The following STAT3 variants were observed in gnomAD, a reference collection of about 807,000 sequenced individuals.
STAT3 encodes the protein DNA-binding protein APRF.
In STAT3, 7 loss-of-function variants were observed where a neutral mutation model predicts 114.3. That is an observed-to-expected ratio of 0.06 (90% confidence interval 0.03 to 0.11). The LOEUF (loss-of-function observed/expected upper bound fraction) is 0.11. Among genes scored for constraint, STAT3 ranks in the 10% least tolerant of loss-of-function variants. The pLI is 1.00. For synonymous variants in STAT3, 331 were observed against 354.5 expected (o/e 0.93, Z 0.74); for missense variants, 364 against 960.9 (o/e 0.38, Z 8.21).
intron 1 of STAT3, among the ~76,000 whole-genome samples, chr17:42,364,352 A>G (rs2083668594): frequency 6.6e-6 from 1 of 152,188 alleles, no homozygotes; most frequent in African/African-American, 2.4e-5. Flanking sequence ...AACTTTTCAA[A>G]AGAAAAACAG....
intron 1 of STAT3, among the ~76,000 whole-genome samples, chr17:42,386,490 A>G (rs538361043): frequency 6.6e-6 from 1 of 152,122 alleles, no homozygotes; most frequent in East Asian, 1.9e-4. Context: ...TGCTGTGGGT[A>G]TTTCTTTTTC....
intron 1 of STAT3, among the ~76,000 whole-genome samples, chr17:42,354,170 TTC>T (rs2083108592): frequency 2.7e-5 from 4 of 146,644 alleles, no homozygotes; most frequent in East Asian, 2.0e-4. Flanking sequence ...AATAATTGTG[TTC>T]TTTTTTTTTT....
At chr17:42,386,051 G>A (rs1016268497) in intron 1 of STAT3, among the ~76,000 whole-genome samples, 1 of 152,144 alleles carries the variant, frequency 6.6e-6, no homozygotes, top group Non-Finnish European at 1.5e-5. Flanking sequence ...GGAGATAGAG[G>A]TGGGCAAATC....
chr17:42,365,254 G>T (rs918146817), intron 1 of STAT3, among the ~76,000 whole-genome samples: 1 of 152,178 alleles, frequency 6.6e-6, no homozygotes, highest in African/African-American at 2.4e-5. Context: ...AAGGCAAAAG[G>T]GGAGGCCACA....
intron 4 of STAT3, among the ~76,000 whole-genome samples, chr17:42,342,728 G>C (rs909681026): frequency 6.6e-6 from 1 of 152,068 alleles, no homozygotes; most frequent in African/African-American, 2.4e-5. Flanking sequence ...GCAGGGCTGC[G>C]GGTTCAAACC....
chr17:42,384,390 A>G (rs2084978491), intron 1 of STAT3, among the ~76,000 whole-genome samples: 1 of 152,082 alleles, frequency 6.6e-6, no homozygotes, highest in Non-Finnish European at 1.5e-5. Context: ...TGGGCCTCCC[A>G]AAGTGCTGGG....
intron 11 of STAT3, among the ~76,000 whole-genome samples, chr17:42,330,113 T>C (rs891396689): frequency 6.7e-6 from 1 of 149,126 alleles, no homozygotes; most frequent in Non-Finnish European, 1.5e-5. Context: ...ATTTTATCTT[T>C]TCTTTTTTCT....
chr17:42,368,280 AATGAGAC>A (rs1313570204), intron 1 of STAT3, among the ~76,000 whole-genome samples: 1 of 152,254 alleles, frequency 6.6e-6, no homozygotes, highest in Non-Finnish European at 1.5e-5. Flanking sequence ...AAACTGCAAT[AATGAGAC>A]TTTAGCACTC....
rs1567718244 is a variant in STAT3, at chr17:42,333,749, G to A, written c.973C>T (p.Arg325Trp). 1.9e-6 allele frequency: 3 copies of A among 1,614,192 alleles called. No homozygotes were observed. The highest frequency in any genetic ancestry group is 2.5e-6 in the Non-Finnish European group (3 of 1,180,040). ...NLMKSAFVVERQPCMPMHPDR... is the reference protein window; with the variant it reads ...NLMKSAFVVEWQPCMPMHPDR... ...GGATGCATGGGCATGCAGGGCTGCC[G>A]CTCCACCACAAAGGCACTGAGGAAA... Residue 325 changes from arginine (R) to tryptophan (W), a missense_variant, in exon 10 of 24, where the codon CGG becomes TGG. Physicochemically the swap from Arg to Trp is moderately radical, Grantham distance 101 (BLOSUM62 -3). Transcript: ENST00000264657. This position sits in a 1 kb window ranked among gnomAD's most constrained non-coding sequence, Gnocchi z 5.2.
At chr17:42,335,693 C>T (rs374490996) in intron 8 of STAT3, among the ~76,000 whole-genome samples, 35 of 152,000 alleles carry the variant, frequency 2.3e-4, no homozygotes, top group African/African-American at 8.4e-4. Context: ...CGAGGCAGGT[C>T]GATCTACTAA....
intron 1 of STAT3, among the ~76,000 whole-genome samples, chr17:42,361,459 G>A (rs1295573840): frequency 6.6e-6 from 1 of 151,224 alleles, no homozygotes; most frequent in Non-Finnish European, 1.5e-5. Context: ...CTCCAGCCTG[G>A]GCAACAAGAG....
At chr17:42,339,895 C>G (rs982131727) in intron 4 of STAT3, among the ~76,000 whole-genome samples, 1 of 152,052 alleles carries the variant, frequency 6.6e-6, no homozygotes, top group Admixed American at 6.6e-5. Context: ...CTGGATGTAG[C>G]AGCTCACACC....
chr17:42,329,425 G>A lies in STAT3; in HGVS notation c.1266C>T (p.Gly422=). Residue 422 remains glycine (G), a synonymous_variant, in exon 14 of 24, where the codon GGC becomes GGT. Transcript: ENST00000264657. The stretch of plus-strand genomic sequence containing the variant: ...CAAAACTTACATCACAATTGGCTCG[G>A]CCCCCATTCCCACATCTCTGCTCCC... ...TLREQRCGNG[G]RANCDASLIV... 1 of 1,614,046 alleles carries A rather than the reference G, an allele frequency of 6.2e-7. No individual in the cohort carries two copies. Among genetic ancestry groups the A allele is most frequent in the South Asian group, 1.1e-5 (1 of 91,076 alleles).
intron 1 of STAT3, among the ~76,000 whole-genome samples, chr17:42,355,830 A>C (rs1223263893): frequency 6.6e-6 from 1 of 152,250 alleles, no homozygotes; most frequent in African/African-American, 2.4e-5. Flanking sequence ...CAGCTTCATA[A>C]AACTTTTTAA....
At position 42,337,201 on chromosome 17, in the gene STAT3, C is replaced by CA; in HGVS notation, c.797+233dup. ...TTCACCATGTTGGCCAGGCTGGTCT[C>CA]AAACTCCTGACCTCAAGTGATCCGC... On this transcript the variant is annotated intron_variant, in intron 8 of 23. Transcript: ENST00000264657. This position sits in a 1 kb window ranked among gnomAD's most constrained non-coding sequence, Gnocchi z 4.0. Among the ~76,000 whole-genome samples the CA allele has an allele frequency of 6.6e-6, 1 of 152,230 alleles. No individual in the cohort carries two copies. Among genetic ancestry groups the CA allele is most frequent in the Admixed American group, 6.5e-5 (1 of 15,286 alleles).
At chr17:42,367,819 T>A (rs1181375889) in intron 1 of STAT3, among the ~76,000 whole-genome samples, 1 of 152,210 alleles carries the variant, frequency 6.6e-6, no homozygotes, top group Non-Finnish European at 1.5e-5. Context: ...AACTACAGAA[T>A]GCTCAAATAT....
chr17:42,349,917 G>A (rs1271332383), intron 1 of STAT3, among the ~76,000 whole-genome samples: 4 of 152,264 alleles, frequency 2.6e-5, no homozygotes, highest in Middle Eastern at 3.4e-3. Context: ...TTAGCCAGGC[G>A]TGGTGGCACA....
At chr17:42,386,494 CTT>C (rs1037262218) in intron 1 of STAT3, among the ~76,000 whole-genome samples, 13 of 152,168 alleles carry the variant, frequency 8.5e-5, no homozygotes, top group African/African-American at 3.1e-4. Flanking sequence ...GTGGGTATTT[CTT>C]TTTCTTTCCT....
At chr17:42,331,927 C>T (rs1460596451) in intron 10 of STAT3, among the ~76,000 whole-genome samples, 1 of 151,326 alleles carries the variant, frequency 6.6e-6, no homozygotes, top group Non-Finnish European at 1.5e-5. Context: ...GATCCTATCT[C>T]TCTTTCTCTT....
Sources: gnomAD v4.1 joint callset for allele counts (sites outside exome capture counted in the v4.1 genomes callset) on GRCh38, gnomAD v4.1.1 for gene constraint, Gnocchi (gnomAD v3.1) non-coding constraint, MANE v1.5 for transcripts, NCBI Gene and HGNC (gene_info 2026-07-23, HGNC 2026-07-21) for gene names.